IL4I1: variants seen among roughly 807,000 people sequenced by gnomAD.
IL4I1 encodes the protein interleukin 4 induced 1, also known as L-amino-acid oxidase.
Under a neutral mutation model 29.7 loss-of-function variants are expected in IL4I1, and 24 were observed. The observed-to-expected ratio is 0.81, with a 90% CI of 0.59 to 1.14. The LOEUF (loss-of-function observed/expected upper bound fraction) is 1.14, where lower values mean the gene tolerates loss of function less well. Among genes scored for constraint, IL4I1 ranks in the 50% most tolerant of loss-of-function variants. The pLI is 0.00. For synonymous variants in IL4I1, 371 were observed against 352.5 expected (o/e 1.05, Z -0.59); for missense variants, 686 against 785.6 (o/e 0.87, Z 1.52).
intron 2 of IL4I1, chr19:49,908,666 T>G (rs1460907770): frequency 4.3e-5 from 70 of 1,612,376 alleles, no homozygotes; most frequent in Non-Finnish European, 5.7e-5. Flanking sequence ...CAGCTTCACC[T>G]TCTCCACCTC....
At chr19:49,903,843 T>TG (rs1568692149) in intron 3 of IL4I1, among the ~76,000 whole-genome samples, 1 of 142,394 alleles carries the variant, frequency 7.0e-6, no homozygotes, top group African/African-American at 2.7e-5. Context: ...TTTTTTTTTT[T>TG]TTTTTTTTTT....
chr19:49,927,444 T>C lies in IL4I1; in HGVS notation c.-228+250A>G, dbSNP rs1182199739. 1.4e-4 allele frequency among the ~76,000 whole-genome samples: 22 copies of C among 152,204 alleles called. 2 individuals are homozygous for C. The highest frequency in any genetic ancestry group is 1.4e-3 in the Admixed American group (22 of 15,282). On this transcript the variant is annotated intron_variant, in intron 2 of 9. Coordinates refer to the IL4I1 transcript ENST00000341114. ...TTTGGTAAGGTTTACAAATTTGTGT[T>C]AGGCTGCATTCAAAGCTGTTCTAGG...
At chr19:49,912,685 G>A (rs536625805) in intron 2 of IL4I1, among the ~76,000 whole-genome samples, 2 of 152,224 alleles carry the variant, frequency 1.3e-5, no homozygotes, top group East Asian at 1.9e-4. Flanking sequence ...CCAACATAGC[G>A]AGATGCTGTC....
At chr19:49,904,830 C>G (rs1039746259) in intron 2 of IL4I1, among the ~76,000 whole-genome samples, 1 of 152,002 alleles carries the variant, frequency 6.6e-6, no homozygotes, top group Admixed American at 6.6e-5. Context: ...CTGCCTCAGT[C>G]TCCCGAGTAG....
chr19:49,908,968 G>T, intron 2 of IL4I1: 2 of 1,608,754 alleles, frequency 1.2e-6, no homozygotes, highest in Non-Finnish European at 1.7e-6. Context: ...TGCTGGTGGT[G>T]GTGGCGGTGG....
intron 2 of IL4I1, chr19:49,908,352 G>T: frequency 6.2e-7 from 1 of 1,614,184 alleles, no homozygotes; most frequent in South Asian, 1.1e-5. Context: ...TCGATCCACT[G>T]CAGTGAGTCC....
At chr19:49,924,272 T>C (rs2075831665) in intron 2 of IL4I1, among the ~76,000 whole-genome samples, 1 of 152,154 alleles carries the variant, frequency 6.6e-6, no homozygotes, top group African/African-American at 2.4e-5. Context: ...AACAAGCCTC[T>C]GTGATCTGAG....
chr19:49,923,544 TCA>T (rs894783444), intron 2 of IL4I1, among the ~76,000 whole-genome samples: 283 of 152,124 alleles, frequency 1.9e-3, no homozygotes, highest in African/African-American at 6.4e-3. Flanking sequence ...ACAGAGAGAA[TCA>T]CACACAGACC....
At chr19:49,893,717 A>G (rs1044964274) in intron 5 of IL4I1, among the ~76,000 whole-genome samples, 5 of 152,032 alleles carry the variant, frequency 3.3e-5, no homozygotes, top group Non-Finnish European at 7.4e-5. Context: ...GGCCGGGGGC[A>G]GTGGCTCACG....
intron 7 of IL4I1, 81 bp downstream of exon 7, chr19:49,890,890 C>T (rs973682644): frequency 7.5e-6 from 9 of 1,203,880 alleles, no homozygotes; most frequent in Middle Eastern, 2.9e-4. Flanking sequence ...CGCCCCCAGA[C>T]CCAGAGGCTC....
At chr19:49,899,146 C>A (rs1388486521), upstream of IL4I1, among the ~76,000 whole-genome samples, 1 of 152,218 alleles carries the variant, frequency 6.6e-6, no homozygotes, top group Non-Finnish European at 1.5e-5. Flanking sequence ...GGCCCCAGGT[C>A]CCCGGCCCCT....
exon 2 of IL4I1, chr19:49,927,785 T>G (rs2075938960): frequency 6.6e-6 from 1 of 152,250 alleles, no homozygotes; most frequent in Non-Finnish European, 1.5e-5. Context: ...CCAGCTGGGA[T>G]GTCCTGATGT....
At chr19:49,898,560 G>A (rs1018326412), upstream of IL4I1, among the ~76,000 whole-genome samples, 2 of 151,978 alleles carry the variant, frequency 1.3e-5, no homozygotes, top group Non-Finnish European at 2.9e-5. Flanking sequence ...TGCACCCATC[G>A]TAAGCCTCAC....
intron 2 of IL4I1, among the ~76,000 whole-genome samples, chr19:49,922,904 C>A (rs908513563): frequency 6.6e-6 from 1 of 152,100 alleles, no homozygotes; most frequent in Non-Finnish European, 1.5e-5. Context: ...CCCATGTCAA[C>A]CCCCTGCCCC....
intron 2 of IL4I1, chr19:49,907,670 T>C (rs551138336): frequency 3.3e-5 from 12 of 368,308 alleles, no homozygotes; most frequent in South Asian, 1.3e-4. Context: ...GTAGCTGAGA[T>C]TGAGATCACA....
intron 2 of IL4I1, among the ~76,000 whole-genome samples, chr19:49,919,205 T>C (rs2075704953): frequency 6.6e-6 from 1 of 152,206 alleles, no homozygotes; most frequent in African/African-American, 2.4e-5. Context: ...CACATTGTTG[T>C]AGCTCAAAAG....
chr19:49,910,338 C>G lies in IL4I1; in HGVS notation c.-227-6017G>C, dbSNP rs115381968. On this transcript the variant is annotated intron_variant, in intron 2 of 9. Transcript: ENST00000341114. ...CCACCCTGAGGGCCTCTCTGGACCT[C>G]AGAGAGAGAGATGGGGCCGGGAACC... Among the ~76,000 whole-genome samples, 332 of 152,056 alleles carry G rather than the reference C, an allele frequency of 2.2e-3. 1 individual carries two copies. Among genetic ancestry groups the G allele is most frequent in the Non-Finnish European group, 2.9e-3 (195 of 67,982 alleles).
Position 49,921,161 on chromosome 19 carries a change from T to C in IL4I1, c.-228+6533A>G, listed in dbSNP as rs1255402974. On this transcript the variant is annotated intron_variant, in intron 2 of 9. Coordinates refer to the IL4I1 transcript ENST00000341114. The surrounding 1 kb of genome is among the most constrained non-coding windows in gnomAD (Gnocchi z 5.4). Reference sequence around the variant, plus strand: ...TCACCTGTTCTCACTCACTTAACTTTCCCCCAGCAATGTGACGAAGCGAAA... The same window carrying C: ...TCACCTGTTCTCACTCACTTAACTTCCCCCCAGCAATGTGACGAAGCGAAA... 6.6e-6 allele frequency among the ~76,000 whole-genome samples: 1 copy of C among 151,950 alleles called. No individual in the cohort carries two copies. Among genetic ancestry groups the C allele is most frequent in the Non-Finnish European group, 1.5e-5 (1 of 67,998 alleles).
chr19:49,920,223 C>T (rs1377539240), intron 2 of IL4I1, among the ~76,000 whole-genome samples: 2 of 152,242 alleles, frequency 1.3e-5, no homozygotes, highest in South Asian at 2.1e-4. Context: ...GCTGGGACTA[C>T]AGGCGCGTGC....
Sources: gnomAD v4.1 joint callset for allele counts (sites outside exome capture counted in the v4.1 genomes callset) on GRCh38, gnomAD v4.1.1 for gene constraint, Gnocchi (gnomAD v3.1) non-coding constraint, MANE v1.5 for transcripts, NCBI Gene and HGNC (gene_info 2026-07-23, HGNC 2026-07-21) for gene names.